Variants in UMODL1 observed in about 807,000 individuals in gnomAD.
The protein encoded by UMODL1 is uromodulin-like 1.
A neutral mutation model predicts 136.3 loss-of-function variants in UMODL1; 128 were observed. The ratio of observed to expected loss-of-function variants is 0.94; its 90% CI spans 0.81 to 1.09. The LOEUF is 1.09. Among genes scored for constraint, UMODL1 ranks in the 50% least tolerant of loss-of-function variants. The pLI is 0.00. For missense variants in UMODL1, 1,766 were observed against 1,725.6 expected, an observed-to-expected ratio of 1.02 and a Z score of -0.41; for synonymous variants, 721 against 720.0, an observed-to-expected ratio of 1.00 and a Z score of -0.02.
At chr21:42,083,813 G>A (rs1472743966) in intron 2 of UMODL1, among the ~76,000 whole-genome samples, 1 of 152,250 alleles carries the variant, frequency 6.6e-6, no homozygotes, top group Non-Finnish European at 1.5e-5. Context: ...GAGCCCCCTG[G>A]ACCTGGACTT....
Position 42,099,149 on chromosome 21 carries a change from C to T in UMODL1, c.1155C>T (p.Ala385=), listed in dbSNP as rs373026082. The T allele has an allele frequency of 7.9e-5, 127 of 1,613,120 alleles. No homozygotes were observed. The highest frequency in any genetic ancestry group is 3.7e-4 in the Middle Eastern group (2 of 5,372). Residue 385 remains alanine, a synonymous_variant, in exon 7 of 23, where the codon GCC becomes GCT. Transcript: ENST00000408910. The surrounding 1 kb of genome is among the most constrained non-coding windows in gnomAD (Gnocchi z 4.1). ...AGACCAGCTACCAGGGGTGCGGGGC[C>T]GACGTCTCCACCACGCTGACCATCA... ...RVKTSYQGCG[A]DVSTTLTIKT...
At position 42,121,319 on chromosome 21, in the gene UMODL1, G is replaced by A. The variant is rs1601256531; in HGVS notation, c.2827+95G>A. ...GCAAAGGGCTTCTTGTCCCTCTGAGGTCATATTTTTATGTCCTGGGGAAGT... is the reference window on the plus strand; with the variant it reads ...GCAAAGGGCTTCTTGTCCCTCTGAGATCATATTTTTATGTCCTGGGGAAGT... On this transcript the variant is annotated intron_variant, in intron 16 of 22. Coordinates refer to ENST00000408910, the MANE Select transcript of UMODL1 (RefSeq NM_001004416.3). 4 of 1,471,866 alleles carry A rather than the reference G, an allele frequency of 2.7e-6. No individual in the cohort carries two copies. The East Asian group carries it at 9.2e-5, about 34-fold the overall frequency. 91.2% of individuals were successfully genotyped at this position (1,471,866 alleles called of 1,614,324 possible).
intron 12 of UMODL1, chr21:42,113,198 C>T (rs536338152): frequency 5.8e-6 from 1 of 173,506 alleles, no homozygotes; most frequent in Non-Finnish European, 1.2e-5. Context: ...ATGTCAACTC[C>T]TAGTTGGACC....
At chr21:42,129,880 G>A (rs1310724515) in intron 21 of UMODL1, 83 bp downstream of exon 21, 3 of 1,074,524 alleles carry the variant, frequency 2.8e-6, no homozygotes, top group African/African-American at 1.6e-5. Flanking sequence ...AAAAGTAACT[G>A]TTGTGAAATG....
intron 6 of UMODL1, among the ~76,000 whole-genome samples, chr21:42,098,548 C>T (rs2146467478): frequency 6.6e-6 from 1 of 152,054 alleles, no homozygotes; most frequent in South Asian, 2.1e-4. Context: ...GTGGGTGGAT[C>T]ACGAGGTCAG....
At chr21:42,116,067 G>C in intron 14 of UMODL1, 82 bp downstream of exon 14, 4 of 1,160,734 alleles carry the variant, frequency 3.4e-6, no homozygotes, top group South Asian at 1.3e-5. Context: ...AGGCACGGTG[G>C]CTCACCCCTG....
chr21:42,096,756 T>C (rs1384789754), intron 6 of UMODL1, among the ~76,000 whole-genome samples: 1 of 152,208 alleles, frequency 6.6e-6, no homozygotes, highest in African/African-American at 2.4e-5. Flanking sequence ...GCCGCCCCAC[T>C]TTCCTGTTTG....
intron 9 of UMODL1, among the ~76,000 whole-genome samples, chr21:42,108,013 C>T (rs1209843044): frequency 3.3e-5 from 5 of 152,236 alleles, no homozygotes; most frequent in African/African-American, 1.2e-4. Flanking sequence ...GCAGCTCTTC[C>T]TGCTCCCACA....
In UMODL1 at chr21:42,099,873, G is replaced by A. The variant is rs2066605606; in HGVS notation, c.1186+693G>A. On this transcript the variant is annotated intron_variant, in intron 7 of 22. Coordinates refer to ENST00000408910, the MANE Select transcript of UMODL1 (RefSeq NM_001004416.3). This position sits in a 1 kb window ranked among gnomAD's most constrained non-coding sequence, Gnocchi z 4.1. ...ATTTTTTATTTTTCATAAGGATGGA[G>A]TCTTGCCATGTTGCTCAGGCTGGTG... Among the ~76,000 whole-genome samples the A allele has an allele frequency of 1.3e-5, 2 of 152,178 alleles. No individual in the cohort carries two copies.
intron 8 of UMODL1, 139 bp from the exon 9 acceptor site, chr21:42,103,729 G>A: frequency 1.0e-6 from 1 of 986,726 alleles, no homozygotes; most frequent in Non-Finnish European, 1.6e-6. Context: ...CGTGCTCTGA[G>A]AGGTCGGTCG....
rs767403660 is a variant in UMODL1, at chr21:42,126,370, C to T, written c.3173C>T (p.Thr1058Ile). The change falls in exon 18 of 23, where the codon ACC becomes ATC. Residue 1058 changes from threonine to isoleucine, a missense_variant. Transcript: ENST00000408910. ...QSNMTNTVVR[T>I]TLRNDLSQEG... ...AACATGACGAACACCGTGGTGAGGA[C>T]CACGCTGAGGAACGACCTGTCCCAG... is the stretch of plus-strand genomic sequence containing the variant. 1 of 1,614,196 alleles carries T rather than the reference C, an allele frequency of 6.2e-7. No individual in the cohort carries two copies. The highest frequency in any genetic ancestry group is 8.5e-7 in the Non-Finnish European group (1 of 1,180,032).
chr21:42,134,108 A>T (rs1380981587), intron 21 of UMODL1, among the ~76,000 whole-genome samples: 1 of 152,088 alleles, frequency 6.6e-6, no homozygotes, highest in Non-Finnish European at 1.5e-5. Flanking sequence ...TTCAGTAGAG[A>T]TGGAGTTTCA....
chr21:42,130,358 T>C (rs1207596718), intron 21 of UMODL1, among the ~76,000 whole-genome samples: 1 of 152,204 alleles, frequency 6.6e-6, no homozygotes, highest in Non-Finnish European at 1.5e-5. Context: ...TTACATTGCA[T>C]GTATTTTCAA....
intron 6 of UMODL1, among the ~76,000 whole-genome samples, chr21:42,091,941 A>G (rs1296089249): frequency 2.0e-5 from 3 of 152,216 alleles, no homozygotes; most frequent in Non-Finnish European, 4.4e-5. Context: ...AGGTCAGTGC[A>G]GGAGGAGAGG....
chr21:42,108,684 C>T (rs918852710), intron 9 of UMODL1: 7 of 312,228 alleles, frequency 2.2e-5, no homozygotes, highest in East Asian at 1.6e-4. Flanking sequence ...CTGGCCCTGA[C>T]GACCTCGGCT....
chr21:42,108,114 T>G (rs1160826524), intron 9 of UMODL1, among the ~76,000 whole-genome samples: 5 of 152,222 alleles, frequency 3.3e-5, no homozygotes, highest in African/African-American at 1.2e-4. Flanking sequence ...CTGAGCTCGC[T>G]TGGGAGCTGT....
At chr21:42,111,295 G>C in intron 11 of UMODL1, 174 bp downstream of exon 11, 1 of 1,407,812 alleles carries the variant, frequency 7.1e-7, no homozygotes, top group Non-Finnish European at 9.5e-7. Flanking sequence ...CCAGCCAGCG[G>C]AGCACCAGCC....
At chr21:42,091,499 G>A (rs2066491825) in intron 6 of UMODL1, among the ~76,000 whole-genome samples, 1 of 152,248 alleles carries the variant, frequency 6.6e-6, no homozygotes, top group Non-Finnish European at 1.5e-5. Context: ...CTGAAATGTA[G>A]GAAGGTGCTA....
chr21:42,085,522 C>G lies in UMODL1; in HGVS notation c.603+110C>G. The G allele has an allele frequency of 6.7e-7, 1 of 1,496,336 alleles. No homozygotes were observed. The highest frequency in any genetic ancestry group is 1.4e-5 in the African/African-American group (1 of 71,782). The allele number at this position is 1,496,336 out of a possible 1,614,324, so 92.7% of individuals were successfully genotyped here. On this transcript the variant is annotated intron_variant, in intron 4 of 22. Transcript: ENST00000408910. The surrounding 1 kb of genome is among the most constrained non-coding windows in gnomAD (Gnocchi z 4.5). ...TGGGGGTTGGGGAGGGTGATGTTCC[C>G]CAAATGGCCCCAAATGACTGACTCT...
Sources: allele counts gnomAD v4.1 joint callset (sites outside exome capture counted in the v4.1 genomes callset), GRCh38; gene constraint gnomAD v4.1.1; non-coding constraint Gnocchi (gnomAD v3.1); transcripts MANE v1.5; gene names NCBI Gene and HGNC (gene_info 2026-07-23, HGNC 2026-07-21).